The following PTCHD4 variants were observed in gnomAD, a reference collection of about 807,000 sequenced individuals.
The protein encoded by PTCHD4 is patched domain-containing protein 4.
Under a neutral mutation model 58.1 loss-of-function variants are expected in PTCHD4, and 33 were observed. The ratio of observed to expected loss-of-function variants is 0.57; its 90% CI spans 0.43 to 0.76. The LOEUF is 0.76. PTCHD4 is among the 30% of genes least tolerant of loss of function. PTCHD4 has a pLI of 0.00. For synonymous variants in PTCHD4, 478 were observed against 409.6 expected, an observed-to-expected ratio of 1.17 and a Z score of -2.02; for missense variants, 1,058 against 1,027.1, an observed-to-expected ratio of 1.03 and a Z score of -0.41.
At chr6:47,892,430 T>C (rs933221626) in intron 4 of PTCHD4, among the ~76,000 whole-genome samples, 2 of 152,226 alleles carry the variant, frequency 1.3e-5, no homozygotes, top group Admixed American at 6.5e-5. Context: ...CGGTAAGATA[T>C]GGTAAAATGT....
intron 3 of PTCHD4, among the ~76,000 whole-genome samples, chr6:48,018,852 G>A (rs76254399): frequency 0.11 from 17,349 of 152,194 alleles, 1,276 homozygotes; most frequent in South Asian, 0.19. Flanking sequence ...CACCACTAAC[G>A]CAGGAGCATT....
At chr6:48,104,756 G>A (rs956741710) in intron 1 of PTCHD4, among the ~76,000 whole-genome samples, 1 of 152,044 alleles carries the variant, frequency 6.6e-6, no homozygotes, top group African/African-American at 2.4e-5. Context: ...AATGGAGTAA[G>A]ATCTACCAAG....
chr6:48,095,732 C>CAAAAAAAAAA (rs112185985), intron 1 of PTCHD4, among the ~76,000 whole-genome samples: 1 of 124,976 alleles, frequency 8.0e-6, no homozygotes, highest in Non-Finnish European at 1.7e-5. Flanking sequence ...CAAAAGGAAC[C>CAAAAAAAAAA]AAAAAAAAAA....
chr6:47,989,752 C>A (rs566010442), intron 4 of PTCHD4, among the ~76,000 whole-genome samples: 1 of 152,120 alleles, frequency 6.6e-6, no homozygotes, highest in Non-Finnish European at 1.5e-5. Context: ...GCTGCAGGGG[C>A]GAGGCCCTCA....
chr6:47,870,629 A>T lies in PTCHD4; in HGVS notation c.*7674T>A, dbSNP rs142488328. Among the ~76,000 whole-genome samples the T allele has an allele frequency of 2.0e-5, 3 of 151,816 alleles. No individual in the cohort carries two copies. The East Asian group carries it at 5.8e-4, about 30-fold the overall frequency. ...GGTTTGGGTTCTTAGTAAGATCAAAAATAGGTACTTTTAGAATATTTTCTT... is the reference window on the plus strand; with the variant it reads ...GGTTTGGGTTCTTAGTAAGATCAAATATAGGTACTTTTAGAATATTTTCTT... On this transcript the variant is annotated 3_prime_UTR_variant, in exon 5 of 5. Transcript: ENST00000339488.
intron 1 of PTCHD4, among the ~76,000 whole-genome samples, chr6:48,085,049 C>A (rs1178591182): frequency 2.1e-5 from 3 of 145,304 alleles, no homozygotes; most frequent in African/African-American, 7.7e-5. Context: ...AGCAAGAGTA[C>A]TTCTCATTAA....
chr6:48,017,017 G>A (rs913945280), intron 3 of PTCHD4, among the ~76,000 whole-genome samples: 1 of 152,204 alleles, frequency 6.6e-6, no homozygotes, highest in Non-Finnish European at 1.5e-5. Context: ...AAAGATATTG[G>A]AAAGTTTTAG....
intron 4 of PTCHD4, among the ~76,000 whole-genome samples, chr6:47,998,101 T>A (rs1440344921): frequency 6.6e-6 from 1 of 152,204 alleles, no homozygotes; most frequent in Non-Finnish European, 1.5e-5. Flanking sequence ...GGTTGGCAAT[T>A]GCAGCTGTCC....
At chr6:48,019,209 G>A (rs1197942196) in intron 3 of PTCHD4, among the ~76,000 whole-genome samples, 1 of 152,178 alleles carries the variant, frequency 6.6e-6, no homozygotes, top group African/African-American at 2.4e-5. Context: ...CAGCACAGGT[G>A]GAAAGAGGCA....
chr6:48,012,526 C>T (rs1163312898), intron 3 of PTCHD4, among the ~76,000 whole-genome samples: 1 of 152,128 alleles, frequency 6.6e-6, no homozygotes, highest in South Asian at 2.1e-4. Flanking sequence ...CAAACAGAAA[C>T]GATTTGACTT....
At chr6:48,039,748 G>A (rs1763776781) in intron 3 of PTCHD4, among the ~76,000 whole-genome samples, 2 of 152,052 alleles carry the variant, frequency 1.3e-5, no homozygotes, top group Admixed American at 1.3e-4. Context: ...ACTTAGATTA[G>A]GCTTGAGTTT....
chr6:48,001,045 C>T (rs994000486), intron 4 of PTCHD4, among the ~76,000 whole-genome samples: 2 of 152,116 alleles, frequency 1.3e-5, no homozygotes, highest in Non-Finnish European at 2.9e-5. Context: ...ATCCAACTTA[C>T]AAGGGATGTG....
intron 4 of PTCHD4, among the ~76,000 whole-genome samples, chr6:47,893,884 A>C (rs907927200): frequency 2.0e-5 from 3 of 152,266 alleles, no homozygotes; most frequent in Admixed American, 1.3e-4. Context: ...ATGCTGATTA[A>C]CAAAGGGTTT....
chr6:47,910,193 T>C (rs1765025642), intron 4 of PTCHD4, among the ~76,000 whole-genome samples: 1 of 152,154 alleles, frequency 6.6e-6, no homozygotes, highest in African/African-American at 2.4e-5. Context: ...TTTTGGTGTT[T>C]TGTTTTTATC....
chr6:48,019,542 C>T (rs1040651657), intron 3 of PTCHD4, among the ~76,000 whole-genome samples: 3 of 152,240 alleles, frequency 2.0e-5, no homozygotes, highest in East Asian at 1.9e-4. Flanking sequence ...TGAGATCATC[C>T]TGGCTAACAT....
chr6:48,004,200 C>A (rs1230331715), intron 4 of PTCHD4, among the ~76,000 whole-genome samples: 1 of 152,020 alleles, frequency 6.6e-6, no homozygotes, highest in African/African-American at 2.4e-5. Flanking sequence ...AATTAATAAA[C>A]AATTTAAATG....
rs1300113475 is a variant in PTCHD4, at chr6:47,956,624, G to A, written c.898+52010C>T. 4.0e-5 allele frequency among the ~76,000 whole-genome samples: 6 copies of A among 151,852 alleles called. No individual in the cohort carries two copies. The East Asian group carries it at 7.8e-4, about 20-fold the overall frequency. Reference sequence around the variant, plus strand: ...AATTTTTTGTATTTTTAGTAGAGACGGGGTTTCACCGTGTTAGTCAAGATG... The same window carrying A: ...AATTTTTTGTATTTTTAGTAGAGACAGGGTTTCACCGTGTTAGTCAAGATG... On this transcript the variant is annotated intron_variant, in intron 4 of 4. Coordinates refer to ENST00000339488, the MANE Select transcript of PTCHD4 (RefSeq NM_001384253.1).
intron 4 of PTCHD4, among the ~76,000 whole-genome samples, chr6:47,950,695 G>A (rs1320454256): frequency 6.6e-6 from 1 of 152,166 alleles, no homozygotes; most frequent in Non-Finnish European, 1.5e-5. Context: ...AAGCAGTGGA[G>A]GTAGGTTACA....
At position 48,003,369 on chromosome 6, in the gene PTCHD4, C is replaced by A. The variant is rs141840656; in HGVS notation, c.898+5265G>T. Among the ~76,000 whole-genome samples the A allele has an allele frequency of 7.6e-4, 116 of 152,312 alleles. 2 individuals are homozygous for A. The East Asian group carries it at 0.021, about 28-fold the overall frequency. Reference sequence around the variant, plus strand: ...ATGACTTCACTACTGCAGTAAATGGCAAATGCATTCTATCACTTATTTGGT... The same window carrying A: ...ATGACTTCACTACTGCAGTAAATGGAAAATGCATTCTATCACTTATTTGGT... On this transcript the variant is annotated intron_variant, in intron 4 of 4. Transcript: ENST00000339488.
Sources: allele counts gnomAD v4.1 joint callset (sites outside exome capture counted in the v4.1 genomes callset), GRCh38; gene constraint gnomAD v4.1.1; transcripts MANE v1.5; gene names NCBI Gene and HGNC (gene_info 2026-07-23, HGNC 2026-07-21).